Variants in ZWILCH observed in about 807,000 individuals in gnomAD.
The protein encoded by ZWILCH is zwilch kinetochore protein, also known as protein zwilch homolog.
ZWILCH carries 74 observed loss-of-function variants against 79.9 expected under a neutral mutation model. The observed-to-expected ratio is 0.93, with a 90% CI of 0.77 to 1.12. The LOEUF (loss-of-function observed/expected upper bound fraction) is 1.12, where lower values mean the gene tolerates loss of function less well. Ranked by LOEUF, ZWILCH falls within the 50% of genes most tolerant of loss-of-function variation. The pLI is 0.00. For missense variants in ZWILCH, 694 were observed against 687.5 expected, an observed-to-expected ratio of 1.01 and a Z score of -0.11; for synonymous variants, 241 against 228.2, an observed-to-expected ratio of 1.06 and a Z score of -0.51.
intron 13 of ZWILCH, 52 bp downstream of exon 13, chr15:66,532,455 T>C (rs762874050): frequency 3.4e-6 from 5 of 1,489,568 alleles, no homozygotes; most frequent in Non-Finnish European, 4.5e-6. Flanking sequence ...CAGTTATCAG[T>C]CACAGATATT....
chr15:66,538,270 T>A (rs1161569542), intron 16 of ZWILCH, among the ~76,000 whole-genome samples: 44 of 152,246 alleles, frequency 2.9e-4, no homozygotes, highest in Non-Finnish European at 2.9e-5. Context: ...CTGGCAAAGG[T>A]CACCAATGAC....
chr15:66,520,645 A>G lies in ZWILCH; in HGVS notation c.576A>G (p.Arg192=). The G allele has an allele frequency of 1.9e-6, 3 of 1,555,576 alleles. No individual in the cohort carries two copies. The highest frequency in any genetic ancestry group is 2.6e-6 in the Non-Finnish European group (3 of 1,132,080). ...LENLKNLHKK[R]HHLSTVTSKG... is the part of the protein sequence containing the mutation. ...ACCTAAAAAATTTACACAAGAAAAG[A>G]CATCACTTGTCTACTGTAAGTGTTT... Residue 192 remains arginine (R), a synonymous_variant, in exon 6 of 19, where the codon AGA becomes AGG. Transcript: ENST00000307897.
At chr15:66,530,990 A>G (rs1894834766) in intron 12 of ZWILCH, among the ~76,000 whole-genome samples, 1 of 152,242 alleles carries the variant, frequency 6.6e-6, no homozygotes, top group Non-Finnish European at 1.5e-5. Flanking sequence ...TAGTGCAAAC[A>G]AAGTGAAACT....
chr15:66,521,133 C>T lies in ZWILCH; in HGVS notation c.675C>T (p.Ile225=), dbSNP rs758073263. ...DDTITASQTA[I]ALDISWSPVD... ...CAATCACAGCATCACAAACTGCGAT[C>T]GCTTTGGATATTTCCTGGAGTCCTG... The change falls in exon 7 of 19, where the codon ATC becomes ATT. Residue 225 remains isoleucine (I), a synonymous_variant. Coordinates refer to ENST00000307897, the MANE Select transcript of ZWILCH (RefSeq NM_017975.5). 11 of 1,613,984 alleles carry T rather than the reference C, an allele frequency of 6.8e-6. No homozygotes were observed. Among genetic ancestry groups the T allele is most frequent in the East Asian group, 2.2e-5 (1 of 44,896 alleles).
At chr15:66,521,274 T>G (rs967828804) in intron 7 of ZWILCH, 69 bp downstream of exon 7, 3 of 1,553,592 alleles carry the variant, frequency 1.9e-6, no homozygotes, top group Non-Finnish European at 2.6e-6. Flanking sequence ...TGGTTGTTGC[T>G]GGTGCTCCAT....
At chr15:66,517,438 A>G (rs368023766) in intron 4 of ZWILCH, among the ~76,000 whole-genome samples, 1,915 of 65,482 alleles carry the variant, frequency 0.029, 82 homozygotes, top group African/African-American at 0.065. Context: ...GTGTATATAT[A>G]TATATATATA....
At chr15:66,535,213 A>G (rs533856843) in intron 14 of ZWILCH, among the ~76,000 whole-genome samples, 6 of 152,346 alleles carry the variant, frequency 3.9e-5, no homozygotes, top group African/African-American at 9.6e-5. Context: ...ATGAGATAAC[A>G]TAGGTGCCTT....
chr15:66,506,967 C>T (rs1156497466), intron 1 of ZWILCH, among the ~76,000 whole-genome samples: 1 of 151,862 alleles, frequency 6.6e-6, no homozygotes, highest in East Asian at 1.9e-4. Flanking sequence ...AGCGATTCTC[C>T]TGCCTCAGCC....
In ZWILCH at chr15:66,521,073, G is replaced by A. The variant is rs1894475366; in HGVS notation, c.615G>A (p.Gln205=). ...AGGTAACATCCAAAGGCTTTGCCCA[G>A]TATGAGCTCTTTAAGTCCTCTGCCT... is the stretch of plus-strand genomic sequence containing the variant. The part of the protein sequence containing the change: ...LSTVTSKGFA[Q]YELFKSSALD... Residue 205 remains glutamine, a synonymous_variant, in exon 7 of 19, where the codon CAG becomes CAA. Transcript: ENST00000307897. 6.2e-7 allele frequency: 1 copy of A among 1,614,016 alleles called. No homozygotes were observed. Among genetic ancestry groups the A allele is most frequent in the Non-Finnish European group, 8.5e-7 (1 of 1,180,032 alleles).
At chr15:66,509,802 A>C (rs1164593154) in intron 2 of ZWILCH, among the ~76,000 whole-genome samples, 4 of 126,500 alleles carry the variant, frequency 3.2e-5, no homozygotes, top group African/African-American at 8.8e-5. Flanking sequence ...AATATCTATA[A>C]TTATGTGTGT....
chr15:66,535,933 G>A lies in ZWILCH; in HGVS notation c.1342G>A (p.Glu448Lys), dbSNP rs1360783054. The stretch of plus-strand genomic sequence containing the variant: ...TTTTGCTTATATTTTTTCATTCCAG[G>A]AATACTTCATTGCTCCATCAGTAGA... ...GQELASLNHLEYFIAPSVDIQ... is the reference protein window; with the variant it reads ...GQELASLNHLKYFIAPSVDIQ... The change falls in exon 15 of 19, where the codon GAA becomes AAA. Residue 448 changes from glutamate to lysine, a missense_variant and splice_region_variant. By Grantham distance (56) the Glu-to-Lys change is moderately conservative. Coordinates refer to ENST00000307897, the MANE Select transcript of ZWILCH (RefSeq NM_017975.5). 1 of 1,594,698 alleles carries A rather than the reference G, an allele frequency of 6.3e-7. No individual in the cohort carries two copies. The highest frequency in any genetic ancestry group is 8.5e-7 in the Non-Finnish European group (1 of 1,174,512).
intron 17 of ZWILCH, among the ~76,000 whole-genome samples, chr15:66,541,810 A>G (rs1013314540): frequency 2.0e-5 from 3 of 152,208 alleles, no homozygotes; most frequent in Admixed American, 6.5e-5. Flanking sequence ...GACTGAATCT[A>G]TTAATTAGAT....
In ZWILCH at chr15:66,549,834, A is replaced by G; in HGVS notation, c.*1510A>G. ...AATAAAACTTGAATGGATAAAATGGATAAAATGTTTATCTTTCATGGTAGA... is the reference window on the plus strand; with the variant it reads ...AATAAAACTTGAATGGATAAAATGGGTAAAATGTTTATCTTTCATGGTAGA... On this transcript the variant is annotated 3_prime_UTR_variant, in exon 19 of 19. Coordinates refer to ENST00000307897, the MANE Select transcript of ZWILCH (RefSeq NM_017975.5). 1 of 415,782 alleles carries G rather than the reference A, an allele frequency of 2.4e-6. No homozygotes were observed. The highest frequency in any genetic ancestry group is 5.9e-5 in the South Asian group (1 of 16,938). The allele number at this position is 415,782 out of a possible 1,614,324, so 25.8% of individuals were successfully genotyped here. A position where few individuals can be genotyped will look rare whatever the true frequency, so the allele number is the denominator to read the frequency against.
intron 2 of ZWILCH, among the ~76,000 whole-genome samples, chr15:66,509,359 C>A (rs543298876): frequency 3.2e-4 from 49 of 152,288 alleles, no homozygotes; most frequent in Admixed American, 5.2e-4. Context: ...TAGTTCCTGG[C>A]AAACATTAAT....
In ZWILCH at chr15:66,515,098, C is replaced by T. The variant is rs564477154; in HGVS notation, c.202-428C>T. Reference sequence around the variant, plus strand: ...CTGGGACCACAGGTGCATGCCACCACCCTGGCTGATTTTTTTTTTCTTTTC... The same window carrying T: ...CTGGGACCACAGGTGCATGCCACCATCCTGGCTGATTTTTTTTTTCTTTTC... On this transcript the variant is annotated intron_variant, in intron 3 of 18. Transcript: ENST00000307897. Among the ~76,000 whole-genome samples the T allele has an allele frequency of 3.4e-4, 51 of 152,052 alleles. 1 individual carries two copies. In the South Asian group the frequency reaches 0.01, roughly 30 times the overall value.
At chr15:66,519,148 T>C in intron 5 of ZWILCH, 70 bp downstream of exon 5, 1 of 1,498,270 alleles carries the variant, frequency 6.7e-7, no homozygotes, top group South Asian at 1.2e-5. Flanking sequence ...CATGTTTTTT[T>C]ACGAAAATTG....
intron 17 of ZWILCH, 67 bp downstream of exon 17, chr15:66,540,277 C>T: frequency 7.7e-7 from 1 of 1,302,588 alleles, no homozygotes; most frequent in Non-Finnish European, 1.1e-6. Context: ...TCTGGCTGGG[C>T]ACAGCGGCTC....
chr15:66,509,060 C>T (rs1595901242), intron 2 of ZWILCH, among the ~76,000 whole-genome samples, 168 bp downstream of exon 2: 2 of 152,300 alleles, frequency 1.3e-5, no homozygotes, highest in South Asian at 4.1e-4. Flanking sequence ...CTGCCTCAGC[C>T]TCCCGAGTAG....
In ZWILCH at chr15:66,549,174, G is replaced by C. The variant is rs1010669716; in HGVS notation, c.*850G>C. 6.6e-6 allele frequency: 1 copy of C among 152,142 alleles called. No homozygotes were observed. Among genetic ancestry groups the C allele is most frequent in the East Asian group, 1.9e-4 (1 of 5,200 alleles). The allele number at this position is 152,142 out of a possible 1,614,324, so 9.4% of individuals were successfully genotyped here. ...TTTATCTTGTGTGCTGGGTACTCTG[G>C]TTACTGAGATAAATAAGGCACTGGA... On this transcript the variant is annotated 3_prime_UTR_variant, in exon 19 of 19. Coordinates refer to ENST00000307897, the MANE Select transcript of ZWILCH (RefSeq NM_017975.5).
Sources: gnomAD v4.1 joint callset for allele counts (sites outside exome capture counted in the v4.1 genomes callset) on GRCh38, gnomAD v4.1.1 for gene constraint, MANE v1.5 for transcripts, NCBI Gene and HGNC (gene_info 2026-07-23, HGNC 2026-07-21) for gene names.